The following RGS6 variants were observed in gnomAD, a reference collection of about 807,000 sequenced individuals.
RGS6 encodes the protein regulator of G-protein signaling 6.
RGS6 carries 30 observed loss-of-function variants against 78.5 expected under a neutral mutation model. The ratio of observed to expected loss-of-function variants is 0.38; its 90% CI spans 0.29 to 0.52. The LOEUF (loss-of-function observed/expected upper bound fraction) is 0.52, where lower values mean the gene tolerates loss of function less well. Ranked by LOEUF, RGS6 falls within the 20% of genes least tolerant of loss-of-function variation. The pLI, the probability that RGS6 is intolerant of heterozygous loss-of-function variation, is 0.85. For missense variants in RGS6, 495 were observed against 609.7 expected (o/e 0.81, Z 1.98); for synonymous variants, 206 against 206.0 (o/e 1.00, Z 0.00).
chr14:72,437,092 G>A (rs180682875), intron 3 of RGS6, among the ~76,000 whole-genome samples: 1 of 150,226 alleles, frequency 6.7e-6, no homozygotes, highest in African/African-American at 2.5e-5. Context: ...AGGCCAAGGT[G>A]GGGGGAATCA....
intron 2 of RGS6, among the ~76,000 whole-genome samples, chr14:72,207,060 A>C (rs2042888393): frequency 6.6e-6 from 1 of 152,204 alleles, no homozygotes; most frequent in African/African-American, 2.4e-5. Context: ...TTATGAAACA[A>C]TTTAAACATC....
intron 2 of RGS6, among the ~76,000 whole-genome samples, chr14:72,090,638 G>T (rs2095237641): frequency 6.6e-6 from 1 of 152,166 alleles, no homozygotes; most frequent in Admixed American, 6.6e-5. Flanking sequence ...CCAGTCCCTG[G>T]TGCCAAAAAG....
chr14:72,142,456 C>G (rs999716921), intron 2 of RGS6, among the ~76,000 whole-genome samples: 1 of 152,200 alleles, frequency 6.6e-6, no homozygotes, highest in Non-Finnish European at 1.5e-5. Flanking sequence ...GTCATTGCTT[C>G]GCCAGGCCTG....
chr14:72,078,337 G>A (rs761573691), intron 2 of RGS6, among the ~76,000 whole-genome samples: 16 of 152,118 alleles, frequency 1.1e-4, no homozygotes, highest in Non-Finnish European at 2.2e-4. Context: ...TGTACAGCCT[G>A]CAGAACCATG....
intron 2 of RGS6, among the ~76,000 whole-genome samples, chr14:72,074,593 C>G (rs1458757874): frequency 6.6e-6 from 1 of 152,176 alleles, no homozygotes; most frequent in East Asian, 1.9e-4. Context: ...GAGGAAATCT[C>G]TATTAACCTA....
At chr14:72,406,296 A>G (rs956008660) in intron 3 of RGS6, among the ~76,000 whole-genome samples, 2 of 152,104 alleles carry the variant, frequency 1.3e-5, no homozygotes, top group Non-Finnish European at 2.9e-5. Flanking sequence ...AGGCAGGAGA[A>G]TTGCTTGAAC....
At chr14:72,488,835 A>G (rs2096534720) in intron 12 of RGS6, among the ~76,000 whole-genome samples, 1 of 152,126 alleles carries the variant, frequency 6.6e-6, no homozygotes, top group African/African-American at 2.4e-5. Flanking sequence ...CCCACTTCCC[A>G]GGTTGGAGAT....
intron 2 of RGS6, among the ~76,000 whole-genome samples, chr14:71,978,421 T>A (rs1207237614): frequency 5.2e-5 from 3 of 57,960 alleles, no homozygotes; most frequent in African/African-American, 6.6e-5. Flanking sequence ...GCTCTTATTA[T>A]TTTGAAATAC....
rs1319140530 is a variant in RGS6 at position 72,061,590 on chromosome 14, CA to C, written c.84+96716del. 6.6e-5 allele frequency among the ~76,000 whole-genome samples: 10 copies of C among 151,602 alleles called. No individual in the cohort carries two copies. The South Asian group carries it at 2.1e-3, about 32-fold the overall frequency. On this transcript the variant is annotated intron_variant, in intron 2 of 17. Transcript: ENST00000553525. ...AAAGTAACTTTTTTTTTTTCCTTGA[CA>C]CTTTCAGATCACAATTGATCAAAAC... is the stretch of plus-strand genomic sequence containing the variant.
At chr14:72,506,713 A>G (rs889652978) in intron 13 of RGS6, among the ~76,000 whole-genome samples, 5 of 152,326 alleles carry the variant, frequency 3.3e-5, no homozygotes, top group African/African-American at 1.2e-4. Flanking sequence ...GTTACATTGT[A>G]TCGACTAAAA....
rs527692214 is a variant in RGS6, at chr14:72,399,288, G to A, written c.184+47094G>A. On this transcript the variant is annotated intron_variant, in intron 3 of 17. Transcript: ENST00000553525. ...TTGATCCCCTTTACCATTATGTAATGGCCTTCTTTGTCTCTTTTGATCTTT... is the reference window on the plus strand; with the variant it reads ...TTGATCCCCTTTACCATTATGTAATAGCCTTCTTTGTCTCTTTTGATCTTT... Among the ~76,000 whole-genome samples the A allele has an allele frequency of 4.4e-4, 67 of 152,204 alleles. 2 individuals are homozygous for A. The South Asian group carries it at 0.011, about 25-fold the overall frequency.
At chr14:72,224,312 A>G (rs34905590) in intron 2 of RGS6, among the ~76,000 whole-genome samples, 10,199 of 152,040 alleles carry the variant, frequency 0.067, 503 homozygotes, top group East Asian at 0.32. Context: ...CAGCTACTCA[A>G]GAGGTTGAGG....
chr14:71,952,316 G>C (rs1396790159), intron 1 of RGS6, among the ~76,000 whole-genome samples: 1 of 152,040 alleles, frequency 6.6e-6, no homozygotes, highest in Non-Finnish European at 1.5e-5. Context: ...AATTGGCCAA[G>C]AGTATTTTCA....
At chr14:72,616,241 T>C in the RGS6 span, among the ~76,000 whole-genome samples, 1 of 152,194 alleles carries the variant, frequency 6.6e-6, no homozygotes, top group Non-Finnish European at 1.5e-5. Flanking sequence ...GCAGTGTTGG[T>C]CGGAAAGTGA....
intron 2 of RGS6, among the ~76,000 whole-genome samples, chr14:72,261,851 A>G (rs2058221623): frequency 6.6e-6 from 1 of 152,210 alleles, no homozygotes; most frequent in Non-Finnish European, 1.5e-5. Flanking sequence ...ATTAAAGCAA[A>G]TTACTTGGTT....
intron 2 of RGS6, among the ~76,000 whole-genome samples, chr14:72,244,326 T>C (rs1454453890): frequency 6.6e-6 from 1 of 151,248 alleles, no homozygotes; most frequent in Non-Finnish European, 1.5e-5. Flanking sequence ...ATGTCAACCC[T>C]ACCTACCTCT....
chr14:72,285,477 T>C (rs766133251), intron 2 of RGS6, among the ~76,000 whole-genome samples: 1 of 152,206 alleles, frequency 6.6e-6, no homozygotes, highest in Non-Finnish European at 1.5e-5. Flanking sequence ...CCTTTTTGCC[T>C]TCCACCGTCA....
intron 2 of RGS6, among the ~76,000 whole-genome samples, chr14:72,007,020 G>A (rs1420614220): frequency 2.7e-5 from 4 of 149,444 alleles, no homozygotes; most frequent in South Asian, 2.2e-4. Flanking sequence ...TCTTTGTTAC[G>A]TAGTGGCAAA....
intron 3 of RGS6, among the ~76,000 whole-genome samples, chr14:72,399,656 C>T (rs1204613447): frequency 1.3e-5 from 2 of 152,132 alleles, no homozygotes; most frequent in African/African-American, 2.4e-5. Context: ...CATGTTTTTG[C>T]AGTGGCTGGT....
Sources: allele counts gnomAD v4.1 joint callset (sites outside exome capture counted in the v4.1 genomes callset), GRCh38; gene constraint gnomAD v4.1.1; transcripts MANE v1.5; gene names NCBI Gene and HGNC (gene_info 2026-07-23, HGNC 2026-07-21).